Variants in ROBO1 observed in about 807,000 individuals in gnomAD.
The protein encoded by ROBO1 is roundabout guidance receptor 1.
A neutral mutation model predicts 195.9 loss-of-function variants in ROBO1; 149 were observed. The ratio of observed to expected loss-of-function variants is 0.76; its 90% CI spans 0.67 to 0.87. The LOEUF is 0.87. ROBO1 is among the 40% of genes least tolerant of loss of function. ROBO1 has a pLI of 0.00. For missense variants in ROBO1, 1,933 were observed against 2,068.3 expected (o/e 0.93, Z 1.27); for synonymous variants, 816 against 733.2 (o/e 1.11, Z -1.82).
At chr3:79,701,341 G>T (rs1049319738) in intron 1 of ROBO1, among the ~76,000 whole-genome samples, 3 of 151,578 alleles carry the variant, frequency 2.0e-5, no homozygotes, top group African/African-American at 7.3e-5. Context: ...TTTTAAGATA[G>T]TTTTTTCTAG....
intron 1 of ROBO1, among the ~76,000 whole-genome samples, chr3:79,756,542 C>T (rs1372853288): frequency 1.1e-5 from 1 of 93,352 alleles, no homozygotes; most frequent in African/African-American, 4.4e-5. Flanking sequence ...ATGAGCGAAG[C>T]ACCATCTCAA....
At chr3:79,001,038 G>A (rs555900735) in intron 3 of ROBO1, among the ~76,000 whole-genome samples, 3 of 152,034 alleles carry the variant, frequency 2.0e-5, no homozygotes, top group Admixed American at 6.6e-5. Context: ...ACCAAACACC[G>A]CATGTTCTCA....
chr3:78,665,974 T>C (rs1440522726), intron 14 of ROBO1, among the ~76,000 whole-genome samples: 2 of 151,948 alleles, frequency 1.3e-5, no homozygotes, highest in Non-Finnish European at 2.9e-5. Context: ...CTAATCCCCA[T>C]GTGTCACGGG....
intron 2 of ROBO1, among the ~76,000 whole-genome samples, chr3:79,280,643 T>A (rs1044234891): frequency 1.3e-5 from 2 of 152,136 alleles, no homozygotes; most frequent in African/African-American, 4.8e-5. Flanking sequence ...GTCCCCAACC[T>A]TTTTGGCACC....
intron 4 of ROBO1, among the ~76,000 whole-genome samples, chr3:78,849,614 T>TTATA (rs201070361): frequency 6.6e-6 from 1 of 151,448 alleles, no homozygotes; most frequent in African/African-American, 2.4e-5. Context: ...AAAATAAGTT[T>TTATA]TATATATATA....
At chr3:78,607,523 C>A (rs1184633793) in intron 28 of ROBO1, among the ~76,000 whole-genome samples, 1 of 152,152 alleles carries the variant, frequency 6.6e-6, no homozygotes, top group Non-Finnish European at 1.5e-5. Flanking sequence ...AAGACCAACA[C>A]TTTTAATGTA....
intron 4 of ROBO1, among the ~76,000 whole-genome samples, chr3:78,798,072 A>C (rs1305099782): frequency 6.6e-6 from 1 of 152,190 alleles, no homozygotes; most frequent in South Asian, 2.1e-4. Context: ...CAGTATAAAG[A>C]AGATATTTTA....
At chr3:79,035,329 G>A (rs887182801) in intron 3 of ROBO1, among the ~76,000 whole-genome samples, 2 of 152,066 alleles carry the variant, frequency 1.3e-5, no homozygotes, top group African/African-American at 2.4e-5. Context: ...CCCTCAGGTA[G>A]GTCTGTCACT....
chr3:79,219,912 T>C (rs1021446750), intron 2 of ROBO1, among the ~76,000 whole-genome samples: 1 of 152,062 alleles, frequency 6.6e-6, no homozygotes, highest in South Asian at 2.1e-4. Context: ...CACTTACTTA[T>C]GAGGTACAAA....
At chr3:79,055,086 T>G (rs2078779207) in intron 3 of ROBO1, among the ~76,000 whole-genome samples, 1 of 152,106 alleles carries the variant, frequency 6.6e-6, no homozygotes, top group Non-Finnish European at 1.5e-5. Flanking sequence ...CACTGGCCCT[T>G]TACCTCAAGG....
Position 78,598,696 on chromosome 3 carries a change from G to A in ROBO1, c.*217C>T, listed in dbSNP as rs1207293943. 19 of 385,664 alleles carry A rather than the reference G, an allele frequency of 4.9e-5. No homozygotes were observed. Among genetic ancestry groups the A allele is most frequent in the East Asian group, 4.2e-4 (11 of 25,992 alleles). The allele number at this position is 385,664 out of a possible 1,614,324, so 23.9% of individuals were successfully genotyped here. The stretch of plus-strand genomic sequence containing the variant: ...AGGTATAATGGTTTGCTCCAACAGC[G>A]AGGGGAATAGGAAGGCTCTTTGTAG... On this transcript the variant is annotated 3_prime_UTR_variant, in exon 31 of 31. Transcript: ENST00000464233.
At chr3:79,214,970 C>G (rs950108532) in intron 2 of ROBO1, among the ~76,000 whole-genome samples, 1 of 151,902 alleles carries the variant, frequency 6.6e-6, no homozygotes, top group African/African-American at 2.4e-5. Flanking sequence ...TTCAACTCAT[C>G]ATGTTCAAAA....
chr3:79,547,608 G>A (rs1434745734), intron 2 of ROBO1, among the ~76,000 whole-genome samples: 2 of 152,132 alleles, frequency 1.3e-5, no homozygotes, highest in Admixed American at 1.3e-4. Context: ...ACTATGAGAT[G>A]ATATTTAGGT....
chr3:79,636,887 C>A (rs959337762), intron 1 of ROBO1, among the ~76,000 whole-genome samples: 2 of 152,136 alleles, frequency 1.3e-5, no homozygotes, highest in African/African-American at 4.8e-5. Context: ...AGGAAAAATA[C>A]ATTTTGTAAA....
At chr3:78,961,493 G>A (rs1039082438) in intron 3 of ROBO1, among the ~76,000 whole-genome samples, 2 of 152,108 alleles carry the variant, frequency 1.3e-5, no homozygotes, top group Non-Finnish European at 2.9e-5. Context: ...TTGAATGTCA[G>A]GTTAGAACAA....
chr3:79,126,315 C>T lies in ROBO1; in HGVS notation c.89-776G>A, dbSNP rs138306500. 2.2e-4 allele frequency among the ~76,000 whole-genome samples: 33 copies of T among 152,176 alleles called. No individual in the cohort carries two copies. In the East Asian group the frequency reaches 2.3e-3, roughly 11 times the overall value. On this transcript the variant is annotated intron_variant, in intron 2 of 30. Coordinates refer to ENST00000464233, the MANE Select transcript of ROBO1 (RefSeq NM_002941.4). ...GCTTATTTTTCTTAAATAAAAAATG[C>T]ATTTTTTCTGTTTTTCTTAAATTGC...
chr3:79,690,234 A>C (rs777681155), intron 1 of ROBO1, among the ~76,000 whole-genome samples: 1 of 151,990 alleles, frequency 6.6e-6, no homozygotes, highest in Non-Finnish European at 1.5e-5. Context: ...GATTAAGGTT[A>C]GGGACACTGA....
In ROBO1 at chr3:78,714,263, G is replaced by A. The variant is rs755360227; in HGVS notation, c.1045+134C>T. The A allele has an allele frequency of 5.4e-4, 450 of 839,320 alleles. 1 individual carries two copies. Among genetic ancestry groups the A allele is most frequent in the Non-Finnish European group, 7.1e-4 (416 of 589,658 alleles). The allele number at this position is 839,320 out of a possible 1,614,324, so 52.0% of individuals were successfully genotyped here. A position where few individuals can be genotyped will look rare whatever the true frequency, so the allele number is the denominator to read the frequency against. Reference sequence around the variant, plus strand: ...AAAACAATATGTGTTCTTTAAATATGTTTGAAATACATTATTTAGAGCAAT... The same window carrying A: ...AAAACAATATGTGTTCTTTAAATATATTTGAAATACATTATTTAGAGCAAT... On this transcript the variant is annotated intron_variant, in intron 8 of 30. Transcript: ENST00000464233.
chr3:79,089,514 T>C (rs1342198320), intron 3 of ROBO1, among the ~76,000 whole-genome samples: 1 of 152,210 alleles, frequency 6.6e-6, no homozygotes, highest in African/African-American at 2.4e-5. Flanking sequence ...ATATTGTACA[T>C]TTGTTCACTG....
Sources: gnomAD v4.1 joint callset for allele counts (sites outside exome capture counted in the v4.1 genomes callset) on GRCh38, gnomAD v4.1.1 for gene constraint, MANE v1.5 for transcripts, NCBI Gene and HGNC (gene_info 2026-07-23, HGNC 2026-07-21) for gene names.